DST: variants seen among roughly 807,000 people sequenced by gnomAD.
The protein encoded by DST is dystonin.
A neutral mutation model predicts 875.2 loss-of-function variants in DST; 253 were observed. The ratio of observed to expected loss-of-function variants is 0.29; its 90% CI spans 0.26 to 0.32. The LOEUF is 0.32. Among genes scored for constraint, DST ranks in the 10% least tolerant of loss-of-function variants. The pLI, the probability that DST is intolerant of heterozygous loss-of-function variation, is 1.00. For missense variants in DST, 8,287 were observed against 9,111.6 expected (o/e 0.91, Z 3.68); for synonymous variants, 3,124 against 3,197.1 (o/e 0.98, Z 0.77).
At chr6:56,791,242 G>A (rs952013964) in intron 4 of DST, among the ~76,000 whole-genome samples, 6 of 152,196 alleles carry the variant, frequency 3.9e-5, no homozygotes, top group African/African-American at 1.4e-4. Context: ...CTGGGTGACA[G>A]AGCGAGATTC....
rs970861989 is a variant in DST at position 56,620,653 on chromosome 6, C to T, written c.4929+3877G>A. The T allele has an allele frequency of 7.4e-6, 12 of 1,613,988 alleles. No homozygotes were observed. The African/African-American group carries it at 1.5e-4, about 20-fold the overall frequency. ...GTTTGCTATTCTCAAGCACTGTTGC[C>T]TTCTGACGCTGAAGCAGATCTGAAT... On this transcript the variant is annotated intron_variant, in intron 36 of 103. Coordinates refer to ENST00000680361, the MANE Select transcript of DST (RefSeq NM_001374736.1).
At chr6:56,634,022 G>A (rs1287706205) in intron 27 of DST, 110 bp downstream of exon 27, 3 of 1,247,418 alleles carry the variant, frequency 2.4e-6, no homozygotes, top group Non-Finnish European at 1.2e-6. Flanking sequence ...ATATTAGCAT[G>A]GATTTGCCGG....
intron 2 of DST, among the ~76,000 whole-genome samples, chr6:56,908,721 A>G (rs1196610568): frequency 6.6e-6 from 1 of 152,186 alleles, no homozygotes; most frequent in Non-Finnish European, 1.5e-5. Flanking sequence ...TACGGGTCGT[A>G]AAGACCTTCC....
intron 2 of DST, among the ~76,000 whole-genome samples, chr6:56,905,175 T>TATC (rs1445127531): frequency 6.6e-6 from 1 of 152,094 alleles, no homozygotes; most frequent in African/African-American, 2.4e-5. Flanking sequence ...CACCCCAAAT[T>TATC]ATCAGCCCCT....
Position 56,851,465 on chromosome 6 carries a change from C to T in DST, c.557G>A (p.Arg186Lys). 6.2e-7 allele frequency: 1 copy of T among 1,614,054 alleles called. No individual in the cohort carries two copies. Among genetic ancestry groups the T allele is most frequent in the Admixed American group, 1.7e-5 (1 of 60,030 alleles). ...TLPWNLPKHE[R>K]SKRKIQGGSV... is the part of the protein sequence containing the mutation. ...GCCCCCTTGAATCTTTCTTTTCGAT[C>T]TCTCATGTTTAGGCAAATTCCAGGG... Residue 186 changes from arginine to lysine, a missense_variant, in exon 4 of 104, where the codon AGA (arginine) becomes AAA (lysine). By Grantham distance (26) the Arg-to-Lys change is conservative. Transcript: ENST00000680361.
chr6:56,887,485 T>A (rs112415680), intron 3 of DST, among the ~76,000 whole-genome samples: 6,403 of 152,260 alleles, frequency 0.042, 427 homozygotes, highest in African/African-American at 0.14. Flanking sequence ...TTTAAGGATT[T>A]CTTTGGTTAG....
At chr6:56,904,502 G>A (rs1795499016) in intron 2 of DST, among the ~76,000 whole-genome samples, 1 of 152,118 alleles carries the variant, frequency 6.6e-6, no homozygotes, top group East Asian at 1.9e-4. Flanking sequence ...ACAGTACACA[G>A]CATAGAAAAA....
intron 5 of DST, among the ~76,000 whole-genome samples, chr6:56,725,680 G>A (rs1478147392): frequency 6.6e-6 from 1 of 152,132 alleles, no homozygotes; most frequent in African/African-American, 2.4e-5. Flanking sequence ...CTTAACATCT[G>A]TACGATAGTA....
Position 56,528,885 on chromosome 6 carries a change from T to A in DST, c.17636A>T (p.Asp5879Val). ...TTCTAAACCATTTAGTAAAGCCTGA[T>A]CTACATTTTGTTTCCTGAGTAAGAT... The part of the protein sequence containing the change: ...EDILLRKQNV[D>V]QALLNGLELL... The change falls in exon 67 of 104, where the codon GAT (aspartate) becomes GTT (valine). Residue 5879 changes from aspartate to valine, a missense_variant. Asp to Val is a radical substitution (Grantham distance 152). Transcript: ENST00000680361. The A allele has an allele frequency of 6.3e-7, 1 of 1,587,566 alleles. No homozygotes were observed.
At chr6:56,631,071 C>T (rs2098775618) in intron 30 of DST, 140 bp downstream of exon 30, 2 of 295,246 alleles carry the variant, frequency 6.8e-6, no homozygotes, top group Non-Finnish European at 1.1e-5. Flanking sequence ...GCATGAGCCA[C>T]CACGCCCAGC....
At chr6:56,692,688 T>C in intron 9 of DST, 1 of 1,289,820 alleles carries the variant, frequency 7.8e-7, no homozygotes. Context: ...TCTTCCTCTT[T>C]GCGCAATATG....
In DST at chr6:56,650,946, C is replaced by T; in HGVS notation, c.1414G>A (p.Gly472Arg). The change falls in exon 12 of 104, where the codon GGG becomes AGG. Residue 472 changes from glycine (G) to arginine (R), a missense_variant. Transcript: ENST00000680361. ...CTCACATTTGCACCAATGCCTTCCCCACCTTCAGGGACTTTAGGAAATGCA... is the reference window on the plus strand; with the variant it reads ...CTCACATTTGCACCAATGCCTTCCCTACCTTCAGGGACTTTAGGAAATGCA... Reference protein sequence around the residue: ...YDAFPKVPEGGEGIGANDVEV... With the variant: ...YDAFPKVPEGREGIGANDVEV... 1.2e-6 allele frequency: 2 copies of T among 1,612,054 alleles called. No individual in the cohort carries two copies. Among genetic ancestry groups the T allele is most frequent in the East Asian group, 4.5e-5 (2 of 44,846 alleles).
intron 5 of DST, among the ~76,000 whole-genome samples, chr6:56,704,735 C>T (rs2099326585): frequency 6.6e-6 from 1 of 152,122 alleles, no homozygotes; most frequent in Admixed American, 6.6e-5. Context: ...GAGTTTTCAC[C>T]CCCGCAGTTG....
At chr6:56,867,790 G>GC (rs1562231862) in intron 3 of DST, among the ~76,000 whole-genome samples, 1 of 151,368 alleles carries the variant, frequency 6.6e-6, no homozygotes, top group Non-Finnish European at 1.5e-5. Context: ...CCGAGACCGC[G>GC]CCACTGCACT....
rs748661820 is a variant in DST at position 56,607,875 on chromosome 6, G to A, written c.6753C>T (p.Leu2251=). 2.0e-5 allele frequency: 33 copies of A among 1,613,406 alleles called. No homozygotes were observed. In the Middle Eastern group the frequency reaches 4.9e-4, roughly 24 times the overall value. Residue 2251 remains leucine, a synonymous_variant, in exon 40 of 104, where the codon CTC becomes CTT. Transcript: ENST00000680361. ...ATACACCAGATGAGCTTAAGACATC[G>A]AGACATTCTTTTATGGCTGTGTTTC... ...FDGNTAIKEC[L]DVLSSSGVFL...
At chr6:56,904,077 A>G (rs1795299269) in intron 2 of DST, among the ~76,000 whole-genome samples, 1 of 152,190 alleles carries the variant, frequency 6.6e-6, no homozygotes, top group African/African-American at 2.4e-5. Flanking sequence ...TAATGGAGGT[A>G]AAGTACTTCA....
At chr6:56,553,763 C>T (rs996582443) in intron 60 of DST, 108 bp from the exon 61 acceptor site, 38 of 1,099,758 alleles carry the variant, frequency 3.5e-5, no homozygotes, top group Middle Eastern at 2.8e-4. Context: ...TGTTGAAAAG[C>T]AAGGGCTTTT....
rs150530855 is a variant in DST, at chr6:56,639,573, G to C, written c.2736C>G (p.Leu912=). The C allele has an allele frequency of 1.2e-6, 2 of 1,613,686 alleles. No homozygotes were observed. The highest frequency in any genetic ancestry group is 2.7e-5 in the African/African-American group (2 of 74,872). The change falls in exon 21 of 104, where the codon CTC becomes CTG. Residue 912 remains leucine (L), a synonymous_variant. Coordinates refer to ENST00000680361, the MANE Select transcript of DST (RefSeq NM_001374736.1). ...SRNQERHLDT[L]HNFVSRATNE... is the part of the protein sequence containing the mutation. The stretch of plus-strand genomic sequence containing the variant: ...TAGTCGCACGACTTACAAAATTATG[G>C]AGTGTATCAAGGTGCCGTTCTTGAT...
intron 90 of DST, among the ~76,000 whole-genome samples, chr6:56,478,686 C>T (rs992524103): frequency 1.3e-5 from 2 of 152,196 alleles, no homozygotes; most frequent in African/African-American, 4.8e-5. Context: ...ACCCCAGTCT[C>T]TCTGGACCCC....
Sources: allele counts gnomAD v4.1 joint callset (sites outside exome capture counted in the v4.1 genomes callset), GRCh38; gene constraint gnomAD v4.1.1; transcripts MANE v1.5; gene names NCBI Gene and HGNC (gene_info 2026-07-23, HGNC 2026-07-21).